The following ADGRB3 variants were observed in gnomAD, a reference collection of about 807,000 sequenced individuals.
ADGRB3 encodes the protein brain-specific angiogenesis inhibitor 3.
A neutral mutation model predicts 193.4 loss-of-function variants in ADGRB3; 37 were observed. The observed-to-expected ratio is 0.19, with a 90% CI of 0.15 to 0.25. ADGRB3 has a LOEUF of 0.25. Among genes scored for constraint, ADGRB3 ranks in the 10% least tolerant of loss-of-function variants. The probability of loss-of-function intolerance (pLI) is 1.00; values close to 1 mark genes in which losing one functional copy is unlikely to be tolerated. For synonymous variants in ADGRB3, 690 were observed against 644.2 expected, an observed-to-expected ratio of 1.07 and a Z score of -1.08; for missense variants, 1,637 against 1,852.9, an observed-to-expected ratio of 0.88 and a Z score of 2.14.
chr6:68,656,212 A>G (rs1582101651), intron 3 of ADGRB3, among the ~76,000 whole-genome samples: 3 of 151,624 alleles, frequency 2.0e-5, no homozygotes, highest in African/African-American at 4.8e-5. Flanking sequence ...ATTTTATGAA[A>G]CTTTTACTTT....
intron 17 of ADGRB3, among the ~76,000 whole-genome samples, chr6:69,216,457 C>T (rs901814463): frequency 2.6e-5 from 4 of 152,126 alleles, no homozygotes; most frequent in Non-Finnish European, 5.9e-5. Context: ...CTCCTGTTGC[C>T]ATCGGCCCAG....
intron 3 of ADGRB3, among the ~76,000 whole-genome samples, chr6:68,704,628 AAAAC>A (rs1461053018): frequency 1.3e-5 from 2 of 152,206 alleles, no homozygotes; most frequent in African/African-American, 4.8e-5. Context: ...CTCTAAAAAG[AAAAC>A]AAACAAGAAC....
intron 17 of ADGRB3, among the ~76,000 whole-genome samples, chr6:69,113,501 A>G (rs1773435670): frequency 6.6e-6 from 1 of 152,152 alleles, no homozygotes; most frequent in Non-Finnish European, 1.5e-5. Context: ...ATTAGTAACC[A>G]CAGTAGACGG....
chr6:68,908,949 A>G (rs1419841877), intron 3 of ADGRB3, among the ~76,000 whole-genome samples: 3 of 152,238 alleles, frequency 2.0e-5, no homozygotes, highest in East Asian at 3.9e-4. Context: ...CCTTAAATAT[A>G]TAAGTGATTC....
At chr6:69,325,456 T>C (rs1308862732) in intron 21 of ADGRB3, among the ~76,000 whole-genome samples, 1 of 152,038 alleles carries the variant, frequency 6.6e-6, no homozygotes, top group African/African-American at 2.4e-5. Flanking sequence ...ATTCATTTCA[T>C]AGGGAGAACA....
chr6:69,233,609 A>T (rs976471523), intron 18 of ADGRB3, among the ~76,000 whole-genome samples, 193 bp downstream of exon 18: 1 of 152,204 alleles, frequency 6.6e-6, no homozygotes, highest in African/African-American at 2.4e-5. Context: ...AATTCTACTC[A>T]ATTTTATGTC....
chr6:69,325,281 TAC>T (rs1232951670), intron 21 of ADGRB3, among the ~76,000 whole-genome samples: 1 of 152,126 alleles, frequency 6.6e-6, no homozygotes, highest in Non-Finnish European at 1.5e-5. Context: ...CCGAGATGCC[TAC>T]ACACAGAAAA....
intron 16 of ADGRB3, among the ~76,000 whole-genome samples, chr6:69,075,566 G>A (rs1029998405): frequency 6.6e-6 from 1 of 152,134 alleles, no homozygotes; most frequent in Non-Finnish European, 1.5e-5. Flanking sequence ...AGGCTGAAGA[G>A]GAGGTAGTGG....
At position 69,286,298 on chromosome 6, in the gene ADGRB3, A is replaced by G. The variant is rs3799076; in HGVS notation, c.2815-38574A>G. ...TCTCTCTCTCCCTCATCTGATCTGC[A>G]CTCCCTTCCCTTCTCTTTTCCTTTG... On this transcript the variant is annotated intron_variant, in intron 20 of 31. Transcript: ENST00000370598. 2.5e-3 allele frequency among the ~76,000 whole-genome samples: 378 copies of G among 150,868 alleles called. 11 individuals carry two copies. The East Asian group carries it at 0.069, about 27-fold the overall frequency.
chr6:68,883,261 G>A (rs750631098), intron 3 of ADGRB3, among the ~76,000 whole-genome samples: 1 of 152,126 alleles, frequency 6.6e-6, no homozygotes, highest in Non-Finnish European at 1.5e-5. Context: ...TTAGCACCCT[G>A]TCAAAACGGA....
intron 17 of ADGRB3, among the ~76,000 whole-genome samples, chr6:69,094,514 A>G (rs1772813234): frequency 6.6e-6 from 1 of 152,226 alleles, no homozygotes; most frequent in South Asian, 2.1e-4. Flanking sequence ...AGATATCTGT[A>G]TCCAAATTAA....
chr6:68,698,817 A>G (rs779184306), intron 3 of ADGRB3, among the ~76,000 whole-genome samples: 5 of 152,106 alleles, frequency 3.3e-5, no homozygotes, highest in South Asian at 2.1e-4. Context: ...TGTGATTTCT[A>G]TGAAAGACAC....
At chr6:69,159,645 T>C (rs1774933422) in intron 17 of ADGRB3, among the ~76,000 whole-genome samples, 2 of 152,138 alleles carry the variant, frequency 1.3e-5, no homozygotes. Context: ...ATTATATACA[T>C]TTGTTCATGG....
intron 3 of ADGRB3, among the ~76,000 whole-genome samples, chr6:68,921,817 C>G (rs1248999371): frequency 6.6e-6 from 1 of 151,756 alleles, no homozygotes; most frequent in Non-Finnish European, 1.5e-5. Flanking sequence ...AAAAAAAAAT[C>G]TATTAAAATT....
intron 21 of ADGRB3, 72 bp from the exon 22 acceptor site, chr6:69,327,748 C>A: frequency 7.5e-7 from 1 of 1,333,754 alleles, no homozygotes; most frequent in Non-Finnish European, 1.0e-6. Context: ...GGAGTTTGTT[C>A]TGGCTTTTCT....
At chr6:68,938,247 T>C (rs965006093) in intron 5 of ADGRB3, among the ~76,000 whole-genome samples, 17 of 151,934 alleles carry the variant, frequency 1.1e-4, no homozygotes, top group Admixed American at 6.6e-4. Flanking sequence ...AAAAAATGTT[T>C]AAGGAGTTTG....
intron 11 of ADGRB3, among the ~76,000 whole-genome samples, chr6:69,002,688 T>C (rs987297462): frequency 1.3e-5 from 2 of 152,196 alleles, no homozygotes; most frequent in African/African-American, 4.8e-5. Context: ...ATTGGGTTGA[T>C]AAATTTGGAA....
chr6:68,849,191 A>G (rs2127390269), intron 3 of ADGRB3, among the ~76,000 whole-genome samples: 1 of 152,124 alleles, frequency 6.6e-6, no homozygotes, highest in Non-Finnish European at 1.5e-5. Context: ...AGTTTCCTTC[A>G]ATAATCATTC....
chr6:68,767,037 A>G (rs1766522970), intron 3 of ADGRB3, among the ~76,000 whole-genome samples: 1 of 151,974 alleles, frequency 6.6e-6, no homozygotes, highest in East Asian at 1.9e-4. Flanking sequence ...AATTTTCTCT[A>G]TATTTTTTAT....
Sources: allele counts gnomAD v4.1 joint callset (sites outside exome capture counted in the v4.1 genomes callset), GRCh38; gene constraint gnomAD v4.1.1; transcripts MANE v1.5; gene names NCBI Gene and HGNC (gene_info 2026-07-23, HGNC 2026-07-21).